The following GUCY1A2 variants were observed in gnomAD, a reference collection of about 807,000 sequenced individuals.
The protein encoded by GUCY1A2 is guanylate cyclase 1 soluble subunit alpha 2.
A neutral mutation model predicts 63.5 loss-of-function variants in GUCY1A2; 27 were observed. The ratio of observed to expected loss-of-function variants is 0.43; its 90% CI spans 0.31 to 0.59. The LOEUF (loss-of-function observed/expected upper bound fraction) is 0.59. Among genes scored for constraint, GUCY1A2 ranks in the 20% least tolerant of loss-of-function variants. The pLI, the probability that GUCY1A2 is intolerant of heterozygous loss-of-function variation, is 0.11. For synonymous variants in GUCY1A2, 364 were observed against 343.5 expected (o/e 1.06, Z -0.66); for missense variants, 768 against 913.3 (o/e 0.84, Z 2.05).
chr11:106,957,855 CTTTTTTTTTTTTT>C lies in GUCY1A2; in HGVS notation c.488-17690_488-17678del, dbSNP rs59519013. On this transcript the variant is annotated intron_variant, in intron 3 of 7. Transcript: ENST00000526355. ...AGTCCAGTCTGAGCAAAGGGACAAA[CTTTTTTTTTTTTT>C]TTTTTTTTTTTTTTTTTTTTTCAGA... Among the ~76,000 whole-genome samples the C allele has an allele frequency of 4.0e-4, 35 of 87,260 alleles. No individual in the cohort carries two copies. The East Asian group carries it at 0.012, about 30-fold the overall frequency. The allele number at this position is 87,260 out of a possible 152,430, so 57.2% of individuals were successfully genotyped here. A position where few individuals can be genotyped will look rare whatever the true frequency, so the allele number is the denominator to read the frequency against.
chr11:106,744,198 G>C (rs561795406), intron 6 of GUCY1A2, among the ~76,000 whole-genome samples: 2 of 149,396 alleles, frequency 1.3e-5, no homozygotes, highest in East Asian at 4.0e-4. Context: ...TAAACTTCTA[G>C]TATAGCAAAT....
At chr11:106,765,029 T>G (rs908013632) in intron 6 of GUCY1A2, among the ~76,000 whole-genome samples, 5 of 151,088 alleles carry the variant, frequency 3.3e-5, no homozygotes, top group Non-Finnish European at 5.9e-5. Context: ...AAGTCTGACA[T>G]CTGGAAAGTG....
Position 106,939,682 on chromosome 11 carries a change from A to T in GUCY1A2, c.984T>A (p.Pro328=). 6.2e-7 allele frequency: 1 copy of T among 1,614,006 alleles called. No individual in the cohort carries two copies. Among genetic ancestry groups the T allele is most frequent in the South Asian group, 1.1e-5 (1 of 91,068 alleles). ...ISINTFCRAF[P]FHLMFDPSMS... The stretch of plus-strand genomic sequence containing the variant: ...TGCTGGGATCAAACATCAAGTGGAA[A>T]GGGAAGGCTCTACAGAAGGTGTTGA... The change falls in exon 4 of 8, where the codon CCT becomes CCA. Residue 328 remains proline, a synonymous_variant. Transcript: ENST00000526355.
chr11:106,779,342 C>A (rs1371241723), intron 5 of GUCY1A2, among the ~76,000 whole-genome samples: 1 of 152,104 alleles, frequency 6.6e-6, no homozygotes, highest in Non-Finnish European at 1.5e-5. Flanking sequence ...GGAAGACACC[C>A]ATCAAAGAAT....
At position 106,916,180 on chromosome 11, in the gene GUCY1A2, T is replaced by C. The variant is rs763898268; in HGVS notation, c.1206+23280A>G. ...TGACAATTTAGTCATAAGCATAAAG[T>C]ACTTTTTGGTTAAATAGTAAGACTA... On this transcript the variant is annotated intron_variant, in intron 4 of 7. Coordinates refer to ENST00000526355, the MANE Select transcript of GUCY1A2 (RefSeq NM_000855.3). 2.1e-5 allele frequency among the ~76,000 whole-genome samples: 3 copies of C among 145,766 alleles called. 1 individual carries two copies. The highest frequency in any genetic ancestry group is 6.8e-5 in the Admixed American group (1 of 14,636).
chr11:106,786,279 A>T (rs573931028), intron 5 of GUCY1A2, among the ~76,000 whole-genome samples: 45 of 152,104 alleles, frequency 3.0e-4, no homozygotes, highest in East Asian at 9.6e-4. Flanking sequence ...TTAAAAAAAA[A>T]TTTTTGTCTA....
chr11:106,799,900 TTAAAC>T (rs1565293927), intron 5 of GUCY1A2, among the ~76,000 whole-genome samples: 1 of 152,146 alleles, frequency 6.6e-6, no homozygotes, highest in African/African-American at 2.4e-5. Flanking sequence ...TGGGATCTAA[TTAAAC>T]TAAAGAGCTT....
intron 4 of GUCY1A2, among the ~76,000 whole-genome samples, chr11:106,905,779 C>T (rs1860196552): frequency 1.3e-5 from 2 of 152,208 alleles, no homozygotes; most frequent in East Asian, 3.9e-4. Context: ...ATGAGAAATT[C>T]CTTCATGTCC....
At chr11:106,721,739 C>T (rs1448246007) in intron 6 of GUCY1A2, among the ~76,000 whole-genome samples, 3 of 152,126 alleles carry the variant, frequency 2.0e-5, no homozygotes, top group African/African-American at 7.2e-5. Flanking sequence ...AGGATAAAAG[C>T]TTTGGATTGG....
chr11:106,826,619 T>C (rs1858974396), intron 4 of GUCY1A2: 5 of 1,604,626 alleles, frequency 3.1e-6, no homozygotes, highest in Non-Finnish European at 4.3e-6. Flanking sequence ...CCCTGTGCAT[T>C]GTATTTTCCC....
At chr11:106,922,862 T>C (rs1860467657) in intron 4 of GUCY1A2, among the ~76,000 whole-genome samples, 1 of 151,702 alleles carries the variant, frequency 6.6e-6, no homozygotes, top group Non-Finnish European at 1.5e-5. Context: ...TCAAAAATGG[T>C]CTTGAACTGA....
At chr11:106,750,855 G>T (rs1460454148) in intron 6 of GUCY1A2, among the ~76,000 whole-genome samples, 1 of 151,440 alleles carries the variant, frequency 6.6e-6, no homozygotes, top group Non-Finnish European at 1.5e-5. Context: ...GGTGTCCCTG[G>T]ATTACAAGAA....
chr11:106,871,370 G>A (rs1158383174), intron 4 of GUCY1A2, among the ~76,000 whole-genome samples: 2 of 152,034 alleles, frequency 1.3e-5, no homozygotes, highest in Non-Finnish European at 2.9e-5. Context: ...CACAGTTTTG[G>A]ATGCTAGATG....
At chr11:106,944,547 G>T (rs1230513412) in intron 3 of GUCY1A2, among the ~76,000 whole-genome samples, 2 of 152,086 alleles carry the variant, frequency 1.3e-5, no homozygotes, top group Non-Finnish European at 2.9e-5. Context: ...ACGGTACCAG[G>T]TTTAATATCT....
At chr11:106,757,545 C>T (rs541997276) in intron 6 of GUCY1A2, among the ~76,000 whole-genome samples, 29 of 152,116 alleles carry the variant, frequency 1.9e-4, no homozygotes, top group Non-Finnish European at 3.7e-4. Flanking sequence ...TGTGGGTGTC[C>T]GTTTTGTTGA....
At chr11:106,773,243 C>CA (rs1864289352) in intron 6 of GUCY1A2, among the ~76,000 whole-genome samples, 1 of 150,708 alleles carries the variant, frequency 6.6e-6, no homozygotes, top group Non-Finnish European at 1.5e-5. Flanking sequence ...GAATTGTTTC[C>CA]ATTTTTCCAG....
intron 7 of GUCY1A2, among the ~76,000 whole-genome samples, chr11:106,701,105 A>G (rs889276299): frequency 6.6e-6 from 1 of 152,168 alleles, no homozygotes; most frequent in Non-Finnish European, 1.5e-5. Context: ...CCAGAAAGAT[A>G]TGCATTCCTC....
At chr11:106,998,250 C>T (rs1591359193) in intron 1 of GUCY1A2, among the ~76,000 whole-genome samples, 1 of 151,978 alleles carries the variant, frequency 6.6e-6, no homozygotes, top group Non-Finnish European at 1.5e-5. Flanking sequence ...TGTCTCATTA[C>T]CTAATGGAAA....
chr11:106,955,925 T>C (rs919149115), intron 3 of GUCY1A2, among the ~76,000 whole-genome samples: 1 of 152,136 alleles, frequency 6.6e-6, no homozygotes, highest in South Asian at 2.1e-4. Context: ...CATCTCCTTC[T>C]GGTACTCCAA....
Sources: gnomAD v4.1 joint callset for allele counts (sites outside exome capture counted in the v4.1 genomes callset) on GRCh38, gnomAD v4.1.1 for gene constraint, MANE v1.5 for transcripts, NCBI Gene and HGNC (gene_info 2026-07-23, HGNC 2026-07-21) for gene names.